EPM2A: variants seen among roughly 807,000 people sequenced by gnomAD.
EPM2A encodes EPM2A glucan phosphatase, laforin, also known as laforin.
EPM2A carries 21 observed loss-of-function variants against 26.5 expected under a neutral mutation model. That is an observed-to-expected ratio of 0.79 (90% confidence interval 0.56 to 1.14). The LOEUF is 1.14. Among genes scored for constraint, EPM2A ranks in the 50% most tolerant of loss-of-function variants. EPM2A has a pLI of 0.00. For synonymous variants in EPM2A, 217 were observed against 177.6 expected, an observed-to-expected ratio of 1.22 and a Z score of -1.76; for missense variants, 458 against 440.8, an observed-to-expected ratio of 1.04 and a Z score of -0.35.
At chr6:145,703,946 GTAT>G (rs1782074812) in intron 1 of EPM2A, among the ~76,000 whole-genome samples, 1 of 152,082 alleles carries the variant, frequency 6.6e-6, no homozygotes, top group Non-Finnish European at 1.5e-5. Flanking sequence ...GGCATCACTG[GTAT>G]TATCAGTTAA....
chr6:145,501,074 A>G (rs558061927), downstream of EPM2A, among the ~76,000 whole-genome samples: 15 of 152,344 alleles, frequency 9.8e-5, no homozygotes, highest in African/African-American at 3.4e-4. Flanking sequence ...CTGAACACTC[A>G]CAATGTACCA....
chr6:145,426,783 A>G (rs1778859392), intron 4 of EPM2A, among the ~76,000 whole-genome samples: 1 of 152,178 alleles, frequency 6.6e-6, no homozygotes. Context: ...TCCATTTTTA[A>G]GGTACACTTG....
intron 2 of EPM2A, among the ~76,000 whole-genome samples, chr6:145,643,899 A>G (rs1438657948): frequency 6.6e-6 from 1 of 152,150 alleles, no homozygotes; most frequent in Non-Finnish European, 1.5e-5. Context: ...AGACCACTGC[A>G]TCTCCCATAT....
At chr6:145,624,960 A>T (rs1775716946), downstream of EPM2A, among the ~76,000 whole-genome samples, 1 of 152,210 alleles carries the variant, frequency 6.6e-6, no homozygotes, top group African/African-American at 2.4e-5. Context: ...CCTCATTCAG[A>T]CTTTCCTTCA....
At chr6:145,433,645 A>C (rs1370277352) in intron 4 of EPM2A, among the ~76,000 whole-genome samples, 2 of 152,208 alleles carry the variant, frequency 1.3e-5, no homozygotes, top group Admixed American at 1.3e-4. Context: ...TAACATTGTC[A>C]ACACGTTCTT....
intron 2 of EPM2A, among the ~76,000 whole-genome samples, chr6:145,685,417 CA>C (rs1780834845): frequency 6.6e-6 from 1 of 151,956 alleles, no homozygotes; most frequent in Non-Finnish European, 1.5e-5. Flanking sequence ...GGAGAGAGGA[CA>C]AGTATGAGAG....
chr6:145,420,660 A>G (rs1185388987), intron 4 of EPM2A, among the ~76,000 whole-genome samples: 1 of 152,154 alleles, frequency 6.6e-6, no homozygotes, highest in Non-Finnish European at 1.5e-5. Flanking sequence ...TATGGTACTA[A>G]TTATACTATT....
At chr6:145,640,412 C>T (rs1777003532) in intron 2 of EPM2A, 1 of 152,124 alleles carries the variant, frequency 6.6e-6, no homozygotes, top group Admixed American at 6.5e-5. Context: ...AGGAAAACCA[C>T]AGGAATAATG....
chr6:145,587,786 G>A (rs1781217805), intron 2 of EPM2A, among the ~76,000 whole-genome samples: 1 of 152,058 alleles, frequency 6.6e-6, no homozygotes, highest in Non-Finnish European at 1.5e-5. Context: ...AAGAATTTGG[G>A]TTAAAGAAAC....
At chr6:145,410,455 T>A (rs1778628874) in intron 4 of EPM2A, among the ~76,000 whole-genome samples, 1 of 152,186 alleles carries the variant, frequency 6.6e-6, no homozygotes, top group African/African-American at 2.4e-5. Flanking sequence ...GTGACTGACA[T>A]GATGAAATTA....
intron 2 of EPM2A, among the ~76,000 whole-genome samples, chr6:145,510,549 T>C (rs414646): frequency 0.45 from 68,427 of 151,916 alleles, 15,440 homozygotes; most frequent in South Asian, 0.58. Flanking sequence ...CAAATAAAAA[T>C]GGAGACACAA....
chr6:145,693,094 A>G (rs1247493662), intron 1 of EPM2A, among the ~76,000 whole-genome samples: 2 of 152,026 alleles, frequency 1.3e-5, no homozygotes, highest in Admixed American at 6.6e-5. Context: ...TCCTTTGATC[A>G]GTATTTTACA....
Position 145,459,511 on chromosome 6 carries a change from C to T in EPM2A, c.555+43011G>A, listed in dbSNP as rs192692496. Among the ~76,000 whole-genome samples, 808 of 152,166 alleles carry T rather than the reference C, an allele frequency of 5.3e-3. 4 individuals carry two copies. Among genetic ancestry groups the T allele is most frequent in the African/African-American group, 0.019 (774 of 41,520 alleles). ...TCCAATCAACTCAATATCAAAATGTCTTAATTTATGACTGTTTAAAAAGGT... is the reference window on the plus strand; with the variant it reads ...TCCAATCAACTCAATATCAAAATGTTTTAATTTATGACTGTTTAAAAAGGT... On this transcript the variant is annotated intron_variant, in intron 4 of 4. Transcript: ENST00000638717.
At chr6:145,633,381 T>TCAAC (rs746694215) in intron 3 of EPM2A, among the ~76,000 whole-genome samples, 4 of 152,232 alleles carry the variant, frequency 2.6e-5, no homozygotes, top group Non-Finnish European at 5.9e-5. Flanking sequence ...TCACCTGGAT[T>TCAAC]CAACCAATGT....
intron 2 of EPM2A, among the ~76,000 whole-genome samples, chr6:145,577,775 C>A (rs9376951): frequency 6.6e-6 from 1 of 151,800 alleles, no homozygotes; most frequent in African/African-American, 2.4e-5. Flanking sequence ...ATGAAACATA[C>A]TCCAGGATAG....
intron 2 of EPM2A, among the ~76,000 whole-genome samples, chr6:145,541,564 A>G (rs1401444543): frequency 6.6e-5 from 10 of 152,258 alleles, no homozygotes; most frequent in African/African-American, 1.4e-4. Flanking sequence ...AAAGTTGCCA[A>G]TTGAAGGTGT....
intron 4 of EPM2A, among the ~76,000 whole-genome samples, chr6:145,459,065 G>T (rs1779296762): frequency 6.6e-6 from 1 of 152,098 alleles, no homozygotes. Flanking sequence ...CAGAAAAATT[G>T]CTCACCACTT....
chr6:145,714,281 A>G (rs147401317), intron 1 of EPM2A, among the ~76,000 whole-genome samples: 102 of 152,370 alleles, frequency 6.7e-4, no homozygotes, highest in African/African-American at 2.3e-3. Flanking sequence ...TAGTATTTGC[A>G]TATAACATAC....
chr6:145,554,459 G>GATAGATAGATACATAC (rs1554250304), intron 2 of EPM2A, among the ~76,000 whole-genome samples: 2 of 151,610 alleles, frequency 1.3e-5, no homozygotes, highest in African/African-American at 4.9e-5. Context: ...TAGATAGATA[G>GATAGATAGATACATAC]ATAGATAGAT....
Sources: gnomAD v4.1 joint callset for allele counts (sites outside exome capture counted in the v4.1 genomes callset) on GRCh38, gnomAD v4.1.1 for gene constraint, MANE v1.5 for transcripts, NCBI Gene and HGNC (gene_info 2026-07-23, HGNC 2026-07-21) for gene names.